The following ANKRD61 variants were observed in gnomAD, a reference collection of about 807,000 sequenced individuals.
ANKRD61 encodes the protein ankyrin repeat domain-containing protein 61.
Under a neutral mutation model 8.4 loss-of-function variants are expected in ANKRD61, and 7 were observed. The observed-to-expected ratio is 0.84, with a 90% CI of 0.48 to 1.57. ANKRD61 has a LOEUF of 1.57. Ranked by LOEUF, ANKRD61 falls within the 40% of genes most tolerant of loss-of-function variation. The pLI is 0.00. For missense variants in ANKRD61, 516 were observed against 523.4 expected (o/e 0.99, Z 0.14); for synonymous variants, 198 against 208.0 (o/e 0.95, Z 0.41).
Position 6,033,398 on chromosome 7 carries a change from A to G in ANKRD61, c.314+462A>G, listed in dbSNP as rs957255649. ...AACCAATGTCTTTACTGAGTAGATGAGATACTCTGAAAAACTGAGAAAAAT... is the reference window on the plus strand; with the variant it reads ...AACCAATGTCTTTACTGAGTAGATGGGATACTCTGAAAAACTGAGAAAAAT... On this transcript the variant is annotated intron_variant, in intron 2 of 2. Transcript: ENST00000409061. The surrounding 1 kb of genome is among the most constrained non-coding windows in gnomAD (Gnocchi z 4.4). 6.6e-6 allele frequency among the ~76,000 whole-genome samples: 1 copy of G among 152,140 alleles called. No individual in the cohort carries two copies. Among genetic ancestry groups the G allele is most frequent in the African/African-American group, 2.4e-5 (1 of 41,422 alleles).
At chr7:6,034,285 C>T (rs577758990) in intron 2 of ANKRD61, among the ~76,000 whole-genome samples, 19 of 152,034 alleles carry the variant, frequency 1.2e-4, no homozygotes, top group Admixed American at 6.6e-4. Context: ...CCAGCCTGGG[C>T]GACAGAGCAA....
rs759663168 is a variant in ANKRD61, at chr7:6,035,931, G to A, written c.802G>A (p.Gly268Arg). The A allele has an allele frequency of 7.8e-6, 12 of 1,547,124 alleles. No homozygotes were observed. Among genetic ancestry groups the A allele is most frequent in the South Asian group, 4.8e-5 (4 of 83,612 alleles). ...CTGCATCCGTCTGCTACTCACTCAC[G>A]GAGCCAAAGTCAACGCCCAGGACTA... ...VSCIRLLLTH[G>R]AKVNAQDYKG... is the part of the protein sequence containing the mutation. Residue 268 changes from glycine to arginine, a missense_variant, in exon 3 of 3, where the codon GGA becomes AGA. Coordinates refer to ENST00000409061, the MANE Select transcript of ANKRD61 (RefSeq NM_001271700.2). The surrounding 1 kb of genome is among the most constrained non-coding windows in gnomAD (Gnocchi z 5.5).
Position 6,036,106 on chromosome 7 carries a change from G to T in ANKRD61, c.977G>T (p.Arg326Ile). ...YMYLQRSCNV[R>I]DTALLARLLY... Reference sequence around the variant, plus strand: ...TACCTTCAGCGCAGTTGCAATGTAAGAGATACGGCACTTCTGGCCAGGCTA... The same window carrying T: ...TACCTTCAGCGCAGTTGCAATGTAATAGATACGGCACTTCTGGCCAGGCTA... Residue 326 changes from arginine (R) to isoleucine (I), a missense_variant, in exon 3 of 3, where the codon AGA becomes ATA. Arg to Ile is a moderately conservative substitution (Grantham distance 97, BLOSUM62 -3). Transcript: ENST00000409061. The surrounding 1 kb of genome is among the most constrained non-coding windows in gnomAD (Gnocchi z 4.6). 1 of 1,550,848 alleles carries T rather than the reference G, an allele frequency of 6.4e-7. No homozygotes were observed. The highest frequency in any genetic ancestry group is 1.2e-5 in the South Asian group (1 of 84,050).
rs17136348 is a variant in ANKRD61 at position 6,035,078 on chromosome 7, T to G, written c.315-366T>G. 0.065 allele frequency among the ~76,000 whole-genome samples: 9,864 copies of G among 151,900 alleles called. 615 individuals are homozygous for G. Among genetic ancestry groups the G allele is most frequent in the East Asian group, 0.35 (1,814 of 5,172 alleles). ...TGTGTGAGGTGCCAGACTGCAGAAA[T>G]CACTAAGATACAGCCTTGAAGGGAC... On this transcript the variant is annotated intron_variant, in intron 2 of 2. Transcript: ENST00000409061. This position sits in a 1 kb window ranked among gnomAD's most constrained non-coding sequence, Gnocchi z 5.5.
Position 6,035,840 on chromosome 7 carries a change from G to T in ANKRD61, c.711G>T (p.Thr237=). 1 of 1,548,346 alleles carries T rather than the reference G, an allele frequency of 6.5e-7. No individual in the cohort carries two copies. Residue 237 remains threonine, a synonymous_variant, in exon 3 of 3, where the codon ACG becomes ACT. Transcript: ENST00000409061. This position sits in a 1 kb window ranked among gnomAD's most constrained non-coding sequence, Gnocchi z 5.5. The stretch of plus-strand genomic sequence containing the variant: ...GTGCTGTCTCTTCCACGGGGAACAC[G>T]CCCCTGAAGCTTGCAGTGTGCACTG... ...VNCAVSSTGN[T]PLKLAVCTAS...
In ANKRD61 at chr7:6,032,879, A is replaced by G. The variant is rs1027846740; in HGVS notation, c.257A>G (p.Tyr86Cys). Residue 86 changes from tyrosine (Y) to cysteine (C), a missense_variant, in exon 2 of 3, where the codon TAC (tyrosine) becomes TGC (cysteine). Tyr to Cys is a radical substitution (Grantham distance 194, BLOSUM62 -2). Coordinates refer to ENST00000409061, the MANE Select transcript of ANKRD61 (RefSeq NM_001271700.2). This position sits in a 1 kb window ranked among gnomAD's most constrained non-coding sequence, Gnocchi z 4.3. ...SIIPIHLAAKYHKAQSLLCLL... is the reference protein window; with the variant it reads ...SIIPIHLAAKCHKAQSLLCLL... ...ATCCCCATCCATCTGGCTGCCAAGT[A>G]CCACAAGGCCCAGAGTCTGCTCTGC... The G allele has an allele frequency of 1.3e-6, 2 of 1,550,968 alleles. No homozygotes were observed. Among genetic ancestry groups the G allele is most frequent in the South Asian group, 1.2e-5 (1 of 84,066 alleles).
rs1354876006 is a variant in ANKRD61, at chr7:6,033,526, A to G, written c.314+590A>G. ...AGTAAAGTCCTTGCCATGGCCTTCA[A>G]TAAGTTTAACCACCAAAGTTAGGTG... On this transcript the variant is annotated intron_variant, in intron 2 of 2. Coordinates refer to ENST00000409061, the MANE Select transcript of ANKRD61 (RefSeq NM_001271700.2). This position sits in a 1 kb window ranked among gnomAD's most constrained non-coding sequence, Gnocchi z 4.4. 6.6e-6 allele frequency among the ~76,000 whole-genome samples: 1 copy of G among 152,174 alleles called. No homozygotes were observed. Among genetic ancestry groups the G allele is most frequent in the Non-Finnish European group, 1.5e-5 (1 of 68,042 alleles).
chr7:6,032,883 C>G lies in ANKRD61; in HGVS notation c.261C>G (p.His87Gln). The G allele has an allele frequency of 6.4e-7, 1 of 1,551,098 alleles. No individual in the cohort carries two copies. The change falls in exon 2 of 3, where the codon CAC becomes CAG. Residue 87 changes from histidine to glutamine, a missense_variant. Transcript: ENST00000409061. The surrounding 1 kb of genome is among the most constrained non-coding windows in gnomAD (Gnocchi z 4.3). The part of the protein sequence containing the change: ...IIPIHLAAKY[H>Q]KAQSLLCLLR... ...CCATCCATCTGGCTGCCAAGTACCA[C>G]AAGGCCCAGAGTCTGCTCTGCCTGT...
In ANKRD61 at chr7:6,032,884, A is replaced by T; in HGVS notation, c.262A>T (p.Lys88Ter). ...CATCCATCTGGCTGCCAAGTACCAC[A>T]AGGCCCAGAGTCTGCTCTGCCTGTT... ...IPIHLAAKYH[K>*]AQSLLCLLRH... is the part of the protein sequence containing the mutation. Residue 88 changes from lysine (K) to a stop codon, truncating the protein, a stop_gained, in exon 2 of 3, where the codon AAG becomes TAG. Transcript: ENST00000409061. LOFTEE classifies it high-confidence loss of function. This position sits in a 1 kb window ranked among gnomAD's most constrained non-coding sequence, Gnocchi z 4.3. 1 of 1,551,072 alleles carries T rather than the reference A, an allele frequency of 6.4e-7. No homozygotes were observed. Among genetic ancestry groups the T allele is most frequent in the South Asian group, 1.2e-5 (1 of 84,060 alleles).
intron 2 of ANKRD61, among the ~76,000 whole-genome samples, chr7:6,034,504 T>C (rs893156971): frequency 1.3e-5 from 2 of 152,056 alleles, no homozygotes; most frequent in African/African-American, 2.4e-5. Flanking sequence ...CCCTGCATAC[T>C]GCATGCACTA....
In ANKRD61 at chr7:6,032,030, C is replaced by T. The variant is rs141677657; in HGVS notation, c.216+439C>T. On this transcript the variant is annotated intron_variant, in intron 1 of 2. Transcript: ENST00000409061. The surrounding 1 kb of genome is among the most constrained non-coding windows in gnomAD (Gnocchi z 4.3). ...CTCTACTAAAAATACAAAAATTAGC[C>T]GGGCTTGGTGGCAGGAGCCTGTAAT... Among the ~76,000 whole-genome samples, 1,350 of 152,058 alleles carry T rather than the reference C, an allele frequency of 8.9e-3. 18 individuals carry two copies. The highest frequency in any genetic ancestry group is 0.031 in the African/African-American group (1,272 of 41,486).
chr7:6,031,682 CG>C (rs1156434452), intron 1 of ANKRD61, 91 bp downstream of exon 1: 1 of 1,300,336 alleles, frequency 7.7e-7, no homozygotes, highest in Non-Finnish European at 1.1e-6. Flanking sequence ...ACTAAGCTCA[CG>C]GCCCTTATGA....
rs1788046519 is a variant in ANKRD61, at chr7:6,035,356, T to TA, written c.315-85dup. The TA allele has an allele frequency of 1.6e-6, 2 of 1,252,666 alleles. No individual in the cohort carries two copies. The highest frequency in any genetic ancestry group is 2.2e-6 in the Non-Finnish European group (2 of 908,652). 77.6% of individuals were successfully genotyped at this position (1,252,666 alleles called of 1,614,324 possible). A position where few individuals can be genotyped will look rare whatever the true frequency, so the allele number is the denominator to read the frequency against. ...GGTAATTGAAGGGTCTTACTTTAAA[T>TA]AAATACTGGCTTCTTAAGCATTAAC... On this transcript the variant is annotated intron_variant, in intron 2 of 2. Coordinates refer to ENST00000409061, the MANE Select transcript of ANKRD61 (RefSeq NM_001271700.2). This position sits in a 1 kb window ranked among gnomAD's most constrained non-coding sequence, Gnocchi z 5.5.
chr7:6,033,696 A>C lies in ANKRD61; in HGVS notation c.314+760A>C, dbSNP rs1020149062. Among the ~76,000 whole-genome samples the C allele has an allele frequency of 1.3e-5, 2 of 151,684 alleles. No homozygotes were observed. Among genetic ancestry groups the C allele is most frequent in the Non-Finnish European group, 3.0e-5 (2 of 67,790 alleles). On this transcript the variant is annotated intron_variant, in intron 2 of 2. Transcript: ENST00000409061. The surrounding 1 kb of genome is among the most constrained non-coding windows in gnomAD (Gnocchi z 4.4). ...GCCATTCTCCTGCCTCAGCCTCCCA[A>C]GTAGCTGGGACTACAGGCGCCTGCC...
In ANKRD61 at chr7:6,035,273, A is replaced by C. The variant is rs939198617; in HGVS notation, c.315-171A>C. On this transcript the variant is annotated intron_variant, in intron 2 of 2. Coordinates refer to ENST00000409061, the MANE Select transcript of ANKRD61 (RefSeq NM_001271700.2). The surrounding 1 kb of genome is among the most constrained non-coding windows in gnomAD (Gnocchi z 5.5). ...ATGCATCCCACCACATCCCACGAAA[A>C]ACCCTGGGATAGCCTGAGAAACTAC... Among the ~76,000 whole-genome samples the C allele has an allele frequency of 6.6e-6, 1 of 152,176 alleles. No homozygotes were observed. The highest frequency in any genetic ancestry group is 2.4e-5 in the African/African-American group (1 of 41,444).
In ANKRD61 at chr7:6,035,948, C is replaced by G. The variant is rs911465800; in HGVS notation, c.819C>G (p.Ala273=). ...TCACTCACGGAGCCAAAGTCAACGC[C>G]CAGGACTACAAGGGCCAAACAGCCA... is the stretch of plus-strand genomic sequence containing the variant. ...LLLTHGAKVN[A]QDYKGQTAIH... The change falls in exon 3 of 3, where the codon GCC becomes GCG. Residue 273 remains alanine, a synonymous_variant. Transcript: ENST00000409061. This position sits in a 1 kb window ranked among gnomAD's most constrained non-coding sequence, Gnocchi z 5.5. The G allele has an allele frequency of 8.4e-6, 13 of 1,548,664 alleles. No homozygotes were observed. Among genetic ancestry groups the G allele is most frequent in the Non-Finnish European group, 1.0e-5 (12 of 1,145,754 alleles).
chr7:6,035,500 C>T lies in ANKRD61; in HGVS notation c.371C>T (p.Ser124Phe). The change falls in exon 3 of 3, where the codon TCC becomes TTC. Residue 124 changes from serine (S) to phenylalanine (F), a missense_variant. By Grantham distance (155) the Ser-to-Phe change is radical. Coordinates refer to ENST00000409061, the MANE Select transcript of ANKRD61 (RefSeq NM_001271700.2). This position sits in a 1 kb window ranked among gnomAD's most constrained non-coding sequence, Gnocchi z 5.5. ...ATGCTACTGCACTGGCCAGTCACTTCCACCACGTGGGCAAAACCAGGCAAC... is the reference window on the plus strand; with the variant it reads ...ATGCTACTGCACTGGCCAGTCACTTTCACCACGTGGGCAAAACCAGGCAAC... The part of the protein sequence containing the change: ...NLMLLHWPVT[S>F]TTWAKPGNRT... 1.3e-6 allele frequency: 2 copies of T among 1,551,122 alleles called. No homozygotes were observed. Among genetic ancestry groups the T allele is most frequent in the Non-Finnish European group, 1.7e-6 (2 of 1,147,098 alleles).
rs1339388001 is a variant in ANKRD61 at position 6,035,525 on chromosome 7, C to A, written c.396C>A (p.Asn132Lys). ...VTSTTWAKPG[N>K]RTHRILTDIQ... ...CCACCACGTGGGCAAAACCAGGCAA[C>A]AGAACGCACAGGATCCTGACAGACA... The change falls in exon 3 of 3, where the codon AAC becomes AAA. Residue 132 changes from asparagine to lysine, a missense_variant. Physicochemically the swap from Asn to Lys is moderately conservative, Grantham distance 94 (BLOSUM62 0). Transcript: ENST00000409061. This position sits in a 1 kb window ranked among gnomAD's most constrained non-coding sequence, Gnocchi z 5.5. The A allele has an allele frequency of 6.4e-7, 1 of 1,551,212 alleles. No homozygotes were observed. The highest frequency in any genetic ancestry group is 8.7e-7 in the Non-Finnish European group (1 of 1,147,132).
At position 6,032,687 on chromosome 7, in the gene ANKRD61, A is replaced by G. The variant is rs1395837131; in HGVS notation, c.217-152A>G. Among the ~76,000 whole-genome samples the G allele has an allele frequency of 6.6e-6, 1 of 152,276 alleles. No homozygotes were observed. The highest frequency in any genetic ancestry group is 1.5e-5 in the Non-Finnish European group (1 of 68,050). On this transcript the variant is annotated intron_variant, in intron 1 of 2. Coordinates refer to ENST00000409061, the MANE Select transcript of ANKRD61 (RefSeq NM_001271700.2). The surrounding 1 kb of genome is among the most constrained non-coding windows in gnomAD (Gnocchi z 4.3). ...TGAATTTTGATCATTTAAAACAGGTAGTAGAAAGGAAACTTTCAATGCACA... is the reference window on the plus strand; with the variant it reads ...TGAATTTTGATCATTTAAAACAGGTGGTAGAAAGGAAACTTTCAATGCACA...
Sources: allele counts gnomAD v4.1 joint callset (sites outside exome capture counted in the v4.1 genomes callset), GRCh38; gene constraint gnomAD v4.1.1; non-coding constraint Gnocchi (gnomAD v3.1); transcripts MANE v1.5; gene names NCBI Gene and HGNC (gene_info 2026-07-23, HGNC 2026-07-21).